Variants in EXOC6B observed in about 807,000 individuals in gnomAD.
EXOC6B encodes SEC15 homolog B.
A neutral mutation model predicts 113.5 loss-of-function variants in EXOC6B; 54 were observed. The ratio of observed to expected loss-of-function variants is 0.48; its 90% CI spans 0.38 to 0.60. EXOC6B has a LOEUF of 0.60. Among genes scored for constraint, EXOC6B ranks in the 20% least tolerant of loss-of-function variants. EXOC6B has a pLI of 0.00. For missense variants in EXOC6B, 797 were observed against 977.5 expected, an observed-to-expected ratio of 0.82 and a Z score of 2.46; for synonymous variants, 357 against 339.0, an observed-to-expected ratio of 1.05 and a Z score of -0.58.
intron 6 of EXOC6B, among the ~76,000 whole-genome samples, chr2:72,621,208 T>C (rs572617164): frequency 6.6e-6 from 1 of 152,312 alleles, no homozygotes; most frequent in East Asian, 1.9e-4. Context: ...GCACCCATTA[T>C]GTTCATCCCA....
chr2:72,813,604 CATT>C (rs1017997771), intron 1 of EXOC6B, among the ~76,000 whole-genome samples: 3 of 152,138 alleles, frequency 2.0e-5, no homozygotes, highest in Non-Finnish European at 4.4e-5. Flanking sequence ...TGGCTAGCTG[CATT>C]ATTTTTTTCC....
intron 5 of EXOC6B, among the ~76,000 whole-genome samples, chr2:72,724,078 C>T (rs1680164691): frequency 6.6e-6 from 1 of 151,820 alleles, no homozygotes; most frequent in Admixed American, 6.6e-5. Context: ...GCAGAGTTCC[C>T]CAAAAAAAGA....
intron 5 of EXOC6B, 57 bp from the exon 6 acceptor site, chr2:72,718,364 A>G (rs1440918925): frequency 1.4e-6 from 2 of 1,458,726 alleles, no homozygotes; most frequent in Non-Finnish European, 1.9e-6. Context: ...GTTAGGCAAA[A>G]TGTCTAGCCT....
chr2:72,260,933 T>C (rs1392960649), intron 20 of EXOC6B, among the ~76,000 whole-genome samples: 1 of 152,214 alleles, frequency 6.6e-6, no homozygotes, highest in East Asian at 1.9e-4. Context: ...CTGGTTACTC[T>C]GCATGTGTCT....
chr2:72,634,788 T>C (rs776785416), intron 6 of EXOC6B, among the ~76,000 whole-genome samples: 9 of 152,144 alleles, frequency 5.9e-5, no homozygotes, highest in Non-Finnish European at 1.2e-4. Context: ...GCTGTCCTTA[T>C]AACAACAGAA....
intron 20 of EXOC6B, among the ~76,000 whole-genome samples, chr2:72,262,654 G>A (rs565605690): frequency 1.1e-4 from 16 of 152,214 alleles, no homozygotes; most frequent in Middle Eastern, 3.4e-3. Flanking sequence ...CGTATATTAC[G>A]TCTGGGGCAA....
chr2:72,598,513 AC>A (rs1249819017), intron 6 of EXOC6B, among the ~76,000 whole-genome samples: 1 of 151,934 alleles, frequency 6.6e-6, no homozygotes, highest in Non-Finnish European at 1.5e-5. Flanking sequence ...AGCAATATAA[AC>A]CTAAGCAAGC....
intron 18 of EXOC6B, among the ~76,000 whole-genome samples, chr2:72,456,130 G>A (rs889537789): frequency 1.3e-5 from 2 of 152,000 alleles, no homozygotes; most frequent in Admixed American, 1.3e-4. Flanking sequence ...ACATATAAAA[G>A]AAATGTGAAC....
chr2:72,696,445 C>A (rs1195843407), intron 6 of EXOC6B, among the ~76,000 whole-genome samples: 1 of 152,166 alleles, frequency 6.6e-6, no homozygotes, highest in East Asian at 1.9e-4. Context: ...TCTCCCTGTG[C>A]CCATGTGCCT....
At chr2:72,361,420 T>C (rs1690307971) in intron 19 of EXOC6B, among the ~76,000 whole-genome samples, 1 of 152,140 alleles carries the variant, frequency 6.6e-6, no homozygotes, top group Admixed American at 6.5e-5. Context: ...CCTATGTTTC[T>C]CACCAGGGTC....
At chr2:72,341,449 C>T (rs1009375796) in intron 19 of EXOC6B, among the ~76,000 whole-genome samples, 11 of 151,950 alleles carry the variant, frequency 7.2e-5, no homozygotes, top group South Asian at 2.1e-4. Context: ...TCTATGGTAA[C>T]GATAATTAAA....
intron 20 of EXOC6B, among the ~76,000 whole-genome samples, chr2:72,243,151 T>C (rs1485153396): frequency 6.6e-6 from 1 of 152,178 alleles, no homozygotes; most frequent in Non-Finnish European, 1.5e-5. Context: ...TCAGCATGAA[T>C]GGGGAGGCCT....
At chr2:72,687,452 A>T (rs1677171522) in intron 6 of EXOC6B, among the ~76,000 whole-genome samples, 2 of 152,092 alleles carry the variant, frequency 1.3e-5, no homozygotes, top group Admixed American at 1.3e-4. Context: ...TCAAAACTTG[A>T]CTAAAACAAA....
chr2:72,610,732 T>TGCCAAATAGTTTATC (rs1671024740), intron 6 of EXOC6B, among the ~76,000 whole-genome samples: 1 of 152,112 alleles, frequency 6.6e-6, no homozygotes. Flanking sequence ...TTTACATAGA[T>TGCCAAATAGTTTATC]ACCACAGCCA....
At chr2:72,639,763 C>G (rs1673098103) in intron 6 of EXOC6B, among the ~76,000 whole-genome samples, 1 of 152,142 alleles carries the variant, frequency 6.6e-6, no homozygotes, top group Non-Finnish European at 1.5e-5. Flanking sequence ...TAAGTGTTGG[C>G]CCCCTAAAAT....
chr2:72,737,779 G>A (rs1209756735), intron 2 of EXOC6B, among the ~76,000 whole-genome samples: 1 of 151,970 alleles, frequency 6.6e-6, no homozygotes, highest in East Asian at 1.9e-4. Flanking sequence ...TTGAACCTGG[G>A]AAGCACAGGT....
chr2:72,387,153 A>T (rs1692079849), intron 18 of EXOC6B, among the ~76,000 whole-genome samples: 1 of 152,188 alleles, frequency 6.6e-6, no homozygotes, highest in African/African-American at 2.4e-5. Flanking sequence ...GGATACACTC[A>T]CACACACAGT....
chr2:72,301,786 AC>A (rs1686548643), intron 20 of EXOC6B, among the ~76,000 whole-genome samples: 1 of 152,162 alleles, frequency 6.6e-6, no homozygotes, highest in Non-Finnish European at 1.5e-5. Context: ...TCTTCAAAAA[AC>A]AAACTCCTAG....
chr2:72,695,800 A>G (rs1677829209), intron 6 of EXOC6B, among the ~76,000 whole-genome samples: 1 of 152,212 alleles, frequency 6.6e-6, no homozygotes. Flanking sequence ...TTTACTAACC[A>G]TTTCTGAAGG....
Sources: allele counts gnomAD v4.1 joint callset (sites outside exome capture counted in the v4.1 genomes callset), GRCh38; gene constraint gnomAD v4.1.1; transcripts MANE v1.5; gene names NCBI Gene and HGNC (gene_info 2026-07-23, HGNC 2026-07-21).